Variants in DENND5B observed in about 807,000 individuals in gnomAD.
DENND5B encodes DENN domain containing 5B, also known as DENN domain-containing protein 5B.
Under a neutral mutation model 140.6 loss-of-function variants are expected in DENND5B, and 34 were observed. The observed-to-expected ratio is 0.24, with a 90% CI of 0.18 to 0.32. The LOEUF (loss-of-function observed/expected upper bound fraction) is 0.32, where lower values mean the gene tolerates loss of function less well. Ranked by LOEUF, DENND5B falls within the 10% of genes least tolerant of loss-of-function variation. The pLI is 1.00. For synonymous variants in DENND5B, 551 were observed against 562.1 expected, an observed-to-expected ratio of 0.98 and a Z score of 0.28; for missense variants, 1,142 against 1,560.2, an observed-to-expected ratio of 0.73 and a Z score of 4.52.
rs1192093277 is a variant in DENND5B at position 31,590,847 on chromosome 12, T to C, written c.-15A>G. ...CTCCCGCTCATCCCGGCCGCGCTGC[T>C]CCAGGGGCCGCCGCCGCCGCCGCCC... On this transcript the variant is annotated 5_prime_UTR_variant, in exon 1 of 21. Transcript: ENST00000389082. 1.6e-6 allele frequency: 2 copies of C among 1,212,362 alleles called. No individual in the cohort carries two copies. The highest frequency in any genetic ancestry group is 1.0e-6 in the Non-Finnish European group (1 of 978,744). The allele number at this position is 1,212,362 out of a possible 1,614,324, so 75.1% of individuals were successfully genotyped here. A position where few individuals can be genotyped will look rare whatever the true frequency, so the allele number is the denominator to read the frequency against.
At chr12:31,580,366 A>G (rs1052748176) in intron 1 of DENND5B, among the ~76,000 whole-genome samples, 3 of 152,238 alleles carry the variant, frequency 2.0e-5, no homozygotes, top group Admixed American at 1.3e-4. Context: ...AAATTTTATT[A>G]GCCCTTCACA....
chr12:31,584,162 G>C (rs745312082), intron 1 of DENND5B, among the ~76,000 whole-genome samples: 1 of 152,102 alleles, frequency 6.6e-6, no homozygotes, highest in Non-Finnish European at 1.5e-5. Context: ...TTTTAGGACA[G>C]TCTGTCTTAA....
intron 1 of DENND5B, among the ~76,000 whole-genome samples, chr12:31,553,091 T>C (rs1014366006): frequency 6.6e-6 from 1 of 152,194 alleles, no homozygotes; most frequent in African/African-American, 2.4e-5. Context: ...TAGTTATTTC[T>C]TGCCTTCTGC....
chr12:31,498,353 T>C (rs921544090), intron 1 of DENND5B, among the ~76,000 whole-genome samples: 18 of 152,172 alleles, frequency 1.2e-4, no homozygotes, highest in African/African-American at 4.3e-4. Flanking sequence ...ACAGGAGATA[T>C]ATCAGAAAGG....
At chr12:31,570,234 T>A (rs1373915497) in intron 1 of DENND5B, among the ~76,000 whole-genome samples, 1 of 150,770 alleles carries the variant, frequency 6.6e-6, no homozygotes, top group African/African-American at 2.4e-5. Context: ...AAAAAAATTA[T>A]AAGCAATATA....
chr12:31,578,044 G>A (rs1011539661), intron 1 of DENND5B, among the ~76,000 whole-genome samples: 3 of 147,856 alleles, frequency 2.0e-5, no homozygotes, highest in Non-Finnish European at 4.5e-5. Flanking sequence ...GGAGTACTGC[G>A]TAAGCCCAGA....
At chr12:31,574,295 A>AATT (rs1555175991) in intron 1 of DENND5B, among the ~76,000 whole-genome samples, 68 of 144,594 alleles carry the variant, frequency 4.7e-4, no homozygotes, top group Non-Finnish European at 8.4e-4. Flanking sequence ...TAATAATAAT[A>AATT]ATTTAAAAGG....
At chr12:31,511,469 C>G (rs1565651885) in intron 1 of DENND5B, among the ~76,000 whole-genome samples, 1 of 151,378 alleles carries the variant, frequency 6.6e-6, no homozygotes, top group Non-Finnish European at 1.5e-5. Context: ...TTTTTCTCAA[C>G]AGTAAGGTTC....
At chr12:31,509,702 AATAAGT>A (rs1947336909) in intron 1 of DENND5B, among the ~76,000 whole-genome samples, 1 of 152,212 alleles carries the variant, frequency 6.6e-6, no homozygotes, top group African/African-American at 2.4e-5. Context: ...GGAGGGAGAT[AATAAGT>A]ATAATAAATT....
At chr12:31,555,915 A>G (rs969390751) in intron 1 of DENND5B, among the ~76,000 whole-genome samples, 6 of 152,126 alleles carry the variant, frequency 3.9e-5, no homozygotes, top group Non-Finnish European at 5.9e-5. Context: ...AAAGCACAAT[A>G]TTAGGGTGGG....
At position 31,415,406 on chromosome 12, in the gene DENND5B, A is replaced by C; in HGVS notation, c.2513T>G (p.Met838Arg). 6.2e-7 allele frequency: 1 copy of C among 1,610,814 alleles called. No homozygotes were observed. ...AAGAGAGACCCTGAGCGTTGGCAACATAACTCCTGAGTCAGATTTTCTTCT... is the reference window on the plus strand; with the variant it reads ...AAGAGAGACCCTGAGCGTTGGCAACCTAACTCCTGAGTCAGATTTTCTTCT... ...PERRKSDSGV[M>R]LPTLRVSLIQ... The change falls in exon 12 of 21, where the codon ATG becomes AGG. Residue 838 changes from methionine (M) to arginine (R), a missense_variant. By Grantham distance (91) the Met-to-Arg change is moderately conservative. Transcript: ENST00000389082.
Position 31,409,359 on chromosome 12 carries a change from G to C in DENND5B, c.2707C>G (p.Leu903Val). The change falls in exon 14 of 21, where the codon CTA becomes GTA. Residue 903 changes from leucine (L) to valine (V), a missense_variant. By Grantham distance (32) the Leu-to-Val change is conservative. Coordinates refer to ENST00000389082, the MANE Select transcript of DENND5B (RefSeq NM_144973.4). ...TKKLYKRYAF[L>V]RCEEEREQFL... ...TGCTCTCTTTCTTCTTCGCAACGTAGAAAAGCATATCGCTTATAAAGCTTC... is the reference window on the plus strand; with the variant it reads ...TGCTCTCTTTCTTCTTCGCAACGTACAAAAGCATATCGCTTATAAAGCTTC... The C allele has an allele frequency of 1.4e-6, 2 of 1,480,352 alleles. No homozygotes were observed. The highest frequency in any genetic ancestry group is 1.5e-5 in the African/African-American group (1 of 66,618). 91.7% of individuals were successfully genotyped at this position (1,480,352 alleles called of 1,614,324 possible).
chr12:31,395,547 C>T (rs143150415), intron 17 of DENND5B, among the ~76,000 whole-genome samples: 222 of 152,098 alleles, frequency 1.5e-3, no homozygotes, highest in African/African-American at 5.3e-3. Flanking sequence ...GAGATGAGAC[C>T]GCACCACTGC....
intron 8 of DENND5B, among the ~76,000 whole-genome samples, chr12:31,430,900 CA>C (rs1284203735): frequency 1.3e-5 from 2 of 152,112 alleles, no homozygotes; most frequent in Non-Finnish European, 2.9e-5. Context: ...AGAAAGGATA[CA>C]GGGGGCGGCA....
chr12:31,426,474 A>T (rs770260599), intron 8 of DENND5B, 50 bp from the exon 9 acceptor site: 1 of 1,565,740 alleles, frequency 6.4e-7, no homozygotes, highest in South Asian at 1.2e-5. Context: ...CTATTCTTCT[A>T]ATCTTCTTAA....
chr12:31,542,789 C>G (rs745323288), intron 1 of DENND5B, among the ~76,000 whole-genome samples: 1 of 152,062 alleles, frequency 6.6e-6, no homozygotes, highest in African/African-American at 2.4e-5. Flanking sequence ...AACCCCATCT[C>G]TATGAAAAAA....
intron 7 of DENND5B, among the ~76,000 whole-genome samples, chr12:31,437,422 C>G (rs1351803814): frequency 6.6e-6 from 1 of 152,166 alleles, no homozygotes; most frequent in East Asian, 1.9e-4. Context: ...GCGTGAACCA[C>G]CATGCCTGGC....
intron 1 of DENND5B, among the ~76,000 whole-genome samples, chr12:31,513,214 T>G (rs1947493534): frequency 6.6e-6 from 1 of 152,246 alleles, no homozygotes; most frequent in Non-Finnish European, 1.5e-5. Flanking sequence ...TTTTCATCAC[T>G]TAATATCAAT....
At chr12:31,449,730 A>ATTTTTTTT (rs1565589504) in intron 5 of DENND5B, among the ~76,000 whole-genome samples, 7 of 24,400 alleles carry the variant, frequency 2.9e-4, no homozygotes, top group Non-Finnish European at 5.6e-4. Context: ...TACACAGATT[A>ATTTTTTTT]GTTTTTTTTT....
Sources: allele counts gnomAD v4.1 joint callset (sites outside exome capture counted in the v4.1 genomes callset), GRCh38; gene constraint gnomAD v4.1.1; transcripts MANE v1.5; gene names NCBI Gene and HGNC (gene_info 2026-07-23, HGNC 2026-07-21).